Variants in FHIT observed in about 807,000 individuals in gnomAD.
FHIT encodes the protein bis(5'-adenosyl)-triphosphatase.
A neutral mutation model predicts 17.9 loss-of-function variants in FHIT; 19 were observed. The observed-to-expected ratio is 1.06, with a 90% CI of 0.74 to 1.56. The LOEUF (loss-of-function observed/expected upper bound fraction) is 1.56, where lower values mean the gene tolerates loss of function less well. FHIT is among the 40% of genes most tolerant of loss of function. The probability of loss-of-function intolerance (pLI) is 0.00; values close to 1 mark genes in which losing one functional copy is unlikely to be tolerated. For missense variants in FHIT, 248 were observed against 189.2 expected (o/e 1.31, Z -1.82); for synonymous variants, 81 against 69.7 (o/e 1.16, Z -0.81).
intron 5 of FHIT, among the ~76,000 whole-genome samples, chr3:60,515,562 T>C (rs2035120895): frequency 7.4e-6 from 1 of 134,962 alleles, no homozygotes; most frequent in Admixed American, 7.9e-5. Context: ...CAAAGGGAAG[T>C]TTGGGCTTTA....
At chr3:60,646,492 G>T (rs2039860670) in intron 4 of FHIT, among the ~76,000 whole-genome samples, 1 of 152,122 alleles carries the variant, frequency 6.6e-6, no homozygotes, top group Non-Finnish European at 1.5e-5. Context: ...ACAATAAAAT[G>T]ACATTTTCAG....
intron 2 of FHIT, among the ~76,000 whole-genome samples, chr3:61,090,138 C>G (rs2035435115): frequency 6.6e-6 from 1 of 152,170 alleles, no homozygotes; most frequent in Non-Finnish European, 1.5e-5. Flanking sequence ...AATAGCCCCC[C>G]AAAATAGTGA....
At chr3:60,613,032 A>G (rs2038833209) in intron 4 of FHIT, among the ~76,000 whole-genome samples, 1 of 152,236 alleles carries the variant, frequency 6.6e-6, no homozygotes, top group Admixed American at 6.5e-5. Flanking sequence ...TTATTTAAAT[A>G]AAATAGAAAG....
chr3:60,380,770 C>A (rs560443388), intron 5 of FHIT, among the ~76,000 whole-genome samples: 5 of 152,150 alleles, frequency 3.3e-5, no homozygotes, highest in Admixed American at 2.0e-4. Context: ...CATTTTGACC[C>A]GGTAAGGCAA....
intron 2 of FHIT, among the ~76,000 whole-genome samples, chr3:61,148,730 T>C (rs2037298944): frequency 6.6e-6 from 1 of 152,220 alleles, no homozygotes; most frequent in Admixed American, 6.5e-5. Context: ...AGGGAAAATA[T>C]ACGACATACA....
At chr3:61,207,245 A>T (rs1407684684) in intron 1 of FHIT, among the ~76,000 whole-genome samples, 2 of 152,130 alleles carry the variant, frequency 1.3e-5, no homozygotes, top group Non-Finnish European at 2.9e-5. Context: ...GGGTTTCTGC[A>T]TTGATGTTCA....
At chr3:59,967,559 C>T (rs1392453220) in intron 7 of FHIT, among the ~76,000 whole-genome samples, 1 of 152,124 alleles carries the variant, frequency 6.6e-6, no homozygotes, top group African/African-American at 2.4e-5. Context: ...AAATTTTATG[C>T]AGTGCATGAC....
chr3:60,150,145 C>CA (rs1700403741), intron 5 of FHIT, among the ~76,000 whole-genome samples: 1 of 140,816 alleles, frequency 7.1e-6, no homozygotes. Flanking sequence ...TACAGGCATG[C>CA]GCCCCCCACG....
intron 8 of FHIT, among the ~76,000 whole-genome samples, chr3:59,914,190 A>G (rs1705020193): frequency 7.3e-6 from 1 of 136,880 alleles, no homozygotes; most frequent in African/African-American, 2.5e-5. Context: ...AACATTATTA[A>G]TGAGATATTT....
At chr3:60,204,963 G>A (rs941334642) in intron 5 of FHIT, among the ~76,000 whole-genome samples, 1 of 152,022 alleles carries the variant, frequency 6.6e-6, no homozygotes, top group Non-Finnish European at 1.5e-5. Context: ...AGGCATGGTG[G>A]CATGCACCAG....
At chr3:60,173,916 T>TATG (rs1343702595) in intron 5 of FHIT, among the ~76,000 whole-genome samples, 1 of 68,058 alleles carries the variant, frequency 1.5e-5, no homozygotes, top group South Asian at 4.4e-4. Flanking sequence ...TATATATATA[T>TATG]GTTTTTTTTT....
chr3:60,260,699 T>G (rs528104750), intron 5 of FHIT, among the ~76,000 whole-genome samples: 1 of 152,054 alleles, frequency 6.6e-6, no homozygotes, highest in East Asian at 1.9e-4. Context: ...TGGGCTGTAT[T>G]TCCAGGAGGT....
In FHIT at chr3:60,407,298, G is replaced by A. The variant is rs142384002; in HGVS notation, c.103+129562C>T. Among the ~76,000 whole-genome samples, 4 of 151,960 alleles carry A rather than the reference G, an allele frequency of 2.6e-5. No homozygotes were observed. The East Asian group carries it at 5.8e-4, about 22-fold the overall frequency. On this transcript the variant is annotated intron_variant, in intron 5 of 9. Transcript: ENST00000492590. The stretch of plus-strand genomic sequence containing the variant: ...CTGTGAAGGAAAAAATGTCGGAAAA[G>A]CCTACCAATTACAGATGCCTAGTAG...
At chr3:60,155,443 GCCTGGAACAGTCCATTACTACTA>G (rs148480627) in intron 5 of FHIT, among the ~76,000 whole-genome samples, 264 of 152,230 alleles carry the variant, frequency 1.7e-3, no homozygotes, top group African/African-American at 6.2e-3. Context: ...AAGCGAAGCT[GCCTGGAACAGTCCATTACTACTA>G]CCTGCCCAGT....
At chr3:61,129,201 C>T (rs1245297763) in intron 2 of FHIT, among the ~76,000 whole-genome samples, 1 of 152,182 alleles carries the variant, frequency 6.6e-6, no homozygotes, top group Non-Finnish European at 1.5e-5. Flanking sequence ...ATGTGTTCAT[C>T]AACAGCATGC....
intron 7 of FHIT, among the ~76,000 whole-genome samples, chr3:59,967,471 T>C (rs546299504): frequency 1.3e-4 from 20 of 152,302 alleles, no homozygotes; most frequent in South Asian, 8.3e-4. Context: ...AGCTACGACA[T>C]TGCAAGGCAG....
chr3:59,766,113 A>T (rs1701783973), intron 8 of FHIT, among the ~76,000 whole-genome samples: 1 of 152,146 alleles, frequency 6.6e-6, no homozygotes, highest in African/African-American at 2.4e-5. Context: ...TTTGTGTGGG[A>T]CTATCATACT....
At chr3:60,401,220 G>A (rs1200547036) in intron 5 of FHIT, among the ~76,000 whole-genome samples, 1 of 152,150 alleles carries the variant, frequency 6.6e-6, no homozygotes, top group East Asian at 1.9e-4. Context: ...GTACTTTGAA[G>A]TGAAATCCAA....
rs190519449 is a variant in FHIT at position 59,995,919 on chromosome 3, C to T, written c.279+15452G>A. ...TTCATCTCTTCTCCAGGGTTTTCCT[C>T]GGACTCTCTGATCAGCCTTTCCTTC... is the stretch of plus-strand genomic sequence containing the variant. On this transcript the variant is annotated intron_variant, in intron 7 of 9. Transcript: ENST00000492590. 1.7e-4 allele frequency among the ~76,000 whole-genome samples: 26 copies of T among 152,194 alleles called. No individual in the cohort carries two copies. The East Asian group carries it at 3.3e-3, about 19-fold the overall frequency.
Sources: gnomAD v4.1 joint callset for allele counts (sites outside exome capture counted in the v4.1 genomes callset) on GRCh38, gnomAD v4.1.1 for gene constraint, MANE v1.5 for transcripts, NCBI Gene and HGNC (gene_info 2026-07-23, HGNC 2026-07-21) for gene names.